HNRNPR: variants seen among roughly 807,000 people sequenced by gnomAD.
HNRNPR encodes the protein heterogeneous nuclear ribonucleoprotein R.
Under a neutral mutation model 70.3 loss-of-function variants are expected in HNRNPR, and 4 were observed. The observed-to-expected ratio is 0.06, with a 90% CI of 0.03 to 0.13. The LOEUF is 0.13. Among genes scored for constraint, HNRNPR ranks in the 10% least tolerant of loss-of-function variants. The pLI is 1.00. For synonymous variants in HNRNPR, 241 were observed against 267.6 expected (o/e 0.90, Z 0.97); for missense variants, 423 against 788.5 (o/e 0.54, Z 5.55).
chr1:23,327,733 TTAAG>T (rs1477318481), intron 5 of HNRNPR, among the ~76,000 whole-genome samples: 1 of 151,240 alleles, frequency 6.6e-6, no homozygotes, highest in Non-Finnish European at 1.5e-5. Flanking sequence ...TTATATGATT[TTAAG>T]AGGTATTAAA....
At chr1:23,325,179 T>C (rs1233936231) in intron 5 of HNRNPR, among the ~76,000 whole-genome samples, 1 of 152,054 alleles carries the variant, frequency 6.6e-6, no homozygotes, top group Non-Finnish European at 1.5e-5. Flanking sequence ...ACATTTGTAA[T>C]CCACAAAGTC....
chr1:23,338,879 A>G (rs1464865962), intron 2 of HNRNPR, among the ~76,000 whole-genome samples: 2 of 151,986 alleles, frequency 1.3e-5, no homozygotes, highest in East Asian at 3.9e-4. Context: ...TCCATTTCCC[A>G]CTCCCCCAAA....
intron 1 of HNRNPR, among the ~76,000 whole-genome samples, chr1:23,341,602 C>T (rs1336831053): frequency 1.3e-5 from 2 of 151,942 alleles, no homozygotes; most frequent in African/African-American, 4.8e-5. Context: ...AATTTTTGTT[C>T]TAAGATTAAT....
chr1:23,335,971 G>C (rs943312879), intron 4 of HNRNPR, among the ~76,000 whole-genome samples: 7 of 149,114 alleles, frequency 4.7e-5, no homozygotes, highest in Non-Finnish European at 8.9e-5. Context: ...CAAAAAATTA[G>C]CCGGGCGTAG....
At chr1:23,311,691 C>T (rs1415093933) in intron 9 of HNRNPR, 1 of 171,722 alleles carries the variant, frequency 5.8e-6, no homozygotes, top group African/African-American at 2.4e-5. Context: ...TAATACGAGC[C>T]AGACAAAGAT....
At chr1:23,327,517 G>A (rs1646037799) in intron 5 of HNRNPR, among the ~76,000 whole-genome samples, 1 of 151,984 alleles carries the variant, frequency 6.6e-6, no homozygotes, top group Non-Finnish European at 1.5e-5. Context: ...GTGAAACCCT[G>A]TCTGTAACTA....
intron 1 of HNRNPR, among the ~76,000 whole-genome samples, chr1:23,343,856 G>C (rs949816698): frequency 6.6e-6 from 1 of 152,156 alleles, no homozygotes; most frequent in South Asian, 2.1e-4. Context: ...CTCCGGCGGG[G>C]AGAAGCGGCA....
At chr1:23,327,404 T>C (rs147097388) in intron 5 of HNRNPR, among the ~76,000 whole-genome samples, 5 of 152,220 alleles carry the variant, frequency 3.3e-5, no homozygotes, top group Non-Finnish European at 7.4e-5. Flanking sequence ...GTAAACAATA[T>C]GGGTCATGCG....
In HNRNPR at chr1:23,334,582, C is replaced by G. The variant is rs74223754; in HGVS notation, c.385-951G>C. Among the ~76,000 whole-genome samples, 9 of 152,212 alleles carry G rather than the reference C, an allele frequency of 5.9e-5. No individual in the cohort carries two copies. In the East Asian group the frequency reaches 1.7e-3, roughly 29 times the overall value. On this transcript the variant is annotated intron_variant, in intron 4 of 10. Coordinates refer to ENST00000302271, the MANE Select transcript of HNRNPR (RefSeq NM_005826.5). ...TCATTTAAGCTTGATTTTGTTTGAT[C>G]CTTCTGGTTTGTACTCCTGCCATAT...
At chr1:23,337,718 T>C (rs1265675725) in intron 4 of HNRNPR, 36 bp downstream of exon 4, 3 of 1,228,986 alleles carry the variant, frequency 2.4e-6, no homozygotes, top group Non-Finnish European at 2.4e-6. Flanking sequence ...CATCATTAAA[T>C]GCAATTTCAT....
In HNRNPR at chr1:23,313,654, T is replaced by C; in HGVS notation, c.1066A>G (p.Ile356Val). ...RNLATTVTEE[I>V]LEKSFSEFGK... The stretch of plus-strand genomic sequence containing the variant: ...AATTCAGAAAATGACTTTTCCAATA[T>C]TTCTTCTGTCACCGTAGTAGCCAAG... The change falls in exon 9 of 11, where the codon ATA (isoleucine) becomes GTA (valine). Residue 356 changes from isoleucine (I) to valine (V), a missense_variant. By Grantham distance (29) the Ile-to-Val change is conservative. Around this residue, in one of 7 missense-constraint regions of HNRNPR, gnomAD observed 46 missense variants for 164.6 expected, o/e 0.28. Coordinates refer to ENST00000302271, the MANE Select transcript of HNRNPR (RefSeq NM_005826.5). 6.2e-7 allele frequency: 1 copy of C among 1,606,600 alleles called. No individual in the cohort carries two copies. The highest frequency in any genetic ancestry group is 1.1e-5 in the South Asian group (1 of 89,090).
intron 6 of HNRNPR, among the ~76,000 whole-genome samples, chr1:23,322,588 T>A (rs1468862177): frequency 6.6e-6 from 1 of 152,206 alleles, no homozygotes; most frequent in Admixed American, 6.5e-5. Flanking sequence ...TACTAAGAGA[T>A]ATGATTATTA....
Position 23,310,843 on chromosome 1 carries a change from C to G in HNRNPR, c.1513G>C (p.Gly505Arg). 1 of 1,614,018 alleles carries G rather than the reference C, an allele frequency of 6.2e-7. No homozygotes were observed. Among genetic ancestry groups the G allele is most frequent in the South Asian group, 1.1e-5 (1 of 91,078 alleles). ...DGYAVRGRGG[G>R]RGGRGAPPPP... Reference sequence around the variant, plus strand: ...GGTGGAGCACCTCGCCCTCCCCTTCCTCCTCCTCTTCCTCTTACTGCATAG... The same window carrying G: ...GGTGGAGCACCTCGCCCTCCCCTTCGTCCTCCTCTTCCTCTTACTGCATAG... The change falls in exon 11 of 11, where the codon GGA (glycine) becomes CGA (arginine). Residue 505 changes from glycine (G) to arginine (R), a missense_variant. By Grantham distance (125) the Gly-to-Arg change is moderately radical. Coordinates refer to ENST00000302271, the MANE Select transcript of HNRNPR (RefSeq NM_005826.5). This position sits in a 1 kb window ranked among gnomAD's most constrained non-coding sequence, Gnocchi z 6.0.
At chr1:23,338,030 G>A (rs1646567929) in intron 3 of HNRNPR, 169 bp from the exon 4 acceptor site, 4 of 574,498 alleles carry the variant, frequency 7.0e-6, no homozygotes, top group East Asian at 5.8e-5. Context: ...GGAGCAGACA[G>A]CAGTAAGGCA....
At chr1:23,322,190 A>T (rs1218983532) in intron 6 of HNRNPR, among the ~76,000 whole-genome samples, 1 of 152,038 alleles carries the variant, frequency 6.6e-6, no homozygotes, top group African/African-American at 2.4e-5. Context: ...ATTTTGAAAA[A>T]TGTTTTATTT....
Position 23,331,627 on chromosome 1 carries a change from C to T in HNRNPR, c.498+1891G>A, listed in dbSNP as rs1300279551. ...GCTTGAACCCGGGAGGCAGAGGTTG[C>T]AGTGAGACGAAATTGCACCATTACA... On this transcript the variant is annotated intron_variant, in intron 5 of 10. Transcript: ENST00000302271. Among the ~76,000 whole-genome samples the T allele has an allele frequency of 2.0e-5, 3 of 151,588 alleles. No individual in the cohort carries two copies. In the East Asian group the frequency reaches 5.8e-4, roughly 29 times the overall value.
chr1:23,329,944 G>A (rs376825457), intron 5 of HNRNPR, among the ~76,000 whole-genome samples: 3 of 152,030 alleles, frequency 2.0e-5, no homozygotes, highest in African/African-American at 7.2e-5. Context: ...AGAGTCTTTT[G>A]GGTATCTATT....
intron 1 of HNRNPR, among the ~76,000 whole-genome samples, chr1:23,341,720 A>T (rs536127619): frequency 2.0e-5 from 3 of 150,984 alleles, no homozygotes; most frequent in Admixed American, 6.6e-5. Context: ...GTTGCTTCTT[A>T]AAAAAAAAGA....
At chr1:23,331,124 T>C (rs1369599127) in intron 5 of HNRNPR, among the ~76,000 whole-genome samples, 3 of 152,186 alleles carry the variant, frequency 2.0e-5, no homozygotes, top group Non-Finnish European at 4.4e-5. Flanking sequence ...ATATAGGGAT[T>C]TTGCTGGAAT....
Sources: gnomAD v4.1 joint callset for allele counts (sites outside exome capture counted in the v4.1 genomes callset) on GRCh38, gnomAD v4.1.1 for gene constraint, gnomAD v4.1.1 regional missense constraint, Gnocchi (gnomAD v3.1) non-coding constraint, MANE v1.5 for transcripts, NCBI Gene and HGNC (gene_info 2026-07-23, HGNC 2026-07-21) for gene names.